PKIB: variants seen among roughly 807,000 people sequenced by gnomAD.
The protein encoded by PKIB is cAMP-dependent protein kinase inhibitor beta, also known as PKI-beta.
A neutral mutation model predicts 4.5 loss-of-function variants in PKIB; 2 were observed. The observed-to-expected ratio is 0.44, with a 90% CI of 0.18 to 1.39. PKIB has a LOEUF of 1.39. Among genes scored for constraint, PKIB ranks in the 40% most tolerant of loss-of-function variants. PKIB has a pLI of 0.27. For missense variants in PKIB, 94 were observed against 92.6 expected (o/e 1.02, Z -0.06); for synonymous variants, 38 against 36.0 (o/e 1.06, Z -0.20).
upstream of PKIB, among the ~76,000 whole-genome samples, chr6:122,609,626 T>C (rs773426855): frequency 6.6e-6 from 1 of 151,990 alleles, no homozygotes; most frequent in Non-Finnish European, 1.5e-5. Flanking sequence ...TAATTAAGAG[T>C]TTCAGGAGAC....
At position 122,572,435 on chromosome 6, in the gene PKIB, A is replaced by C. The variant is rs140520419; in HGVS notation, c.-247-13486A>C. On this transcript the variant is annotated intron_variant, in intron 2 of 6. Transcript: ENST00000392491. The stretch of plus-strand genomic sequence containing the variant: ...TGAAAATTATTGGAAATGAATGATA[A>C]AGTGACACAACTTATCAAAACCTCC... Among the ~76,000 whole-genome samples, 17 of 152,250 alleles carry C rather than the reference A, an allele frequency of 1.1e-4. 1 individual carries two copies. The East Asian group carries it at 2.1e-3, about 19-fold the overall frequency.
At chr6:122,607,105 TAAATAAAATA>T (rs959210617), upstream of PKIB, among the ~76,000 whole-genome samples, 1 of 149,294 alleles carries the variant, frequency 6.7e-6, no homozygotes, top group Non-Finnish European at 1.5e-5. Flanking sequence ...AATAAATAAA[TAAATAAAATA>T]AAATAAAATA....
intron 2 of PKIB, chr6:122,479,919 C>T (rs1245008279): frequency 6.6e-6 from 1 of 151,430 alleles, no homozygotes; most frequent in African/African-American, 2.4e-5. Flanking sequence ...AAAGGTCCAA[C>T]AGAGCTTAAA....
chr6:122,615,535 T>C (rs1774945587), intron 1 of PKIB, among the ~76,000 whole-genome samples: 1 of 151,526 alleles, frequency 6.6e-6, no homozygotes, highest in South Asian at 2.1e-4. Flanking sequence ...GGCGACTTCA[T>C]GGGTGTACTG....
intron 3 of PKIB, among the ~76,000 whole-genome samples, chr6:122,703,078 C>T (rs925045061): frequency 9.2e-5 from 14 of 152,106 alleles, no homozygotes; most frequent in Admixed American, 3.3e-4. Context: ...ACTTCTCTTA[C>T]GAAACAAGCT....
chr6:122,708,448 T>C (rs563049464), intron 3 of PKIB, among the ~76,000 whole-genome samples: 11 of 152,194 alleles, frequency 7.2e-5, no homozygotes, highest in African/African-American at 2.6e-4. Context: ...TATGTGAAAA[T>C]TTCACCTTTA....
intron 3 of PKIB, among the ~76,000 whole-genome samples, chr6:122,591,538 A>G (rs998256475): frequency 1.3e-5 from 2 of 152,064 alleles, no homozygotes; most frequent in Non-Finnish European, 2.9e-5. Context: ...CATTTAGCCA[A>G]TGAGATTATT....
intron 2 of PKIB, among the ~76,000 whole-genome samples, chr6:122,543,677 G>T (rs562532868): frequency 1.3e-5 from 2 of 152,074 alleles, no homozygotes; most frequent in South Asian, 2.1e-4. Context: ...ACTGCACCTG[G>T]CTAGAATAAC....
At chr6:122,551,043 A>G (rs143488427) in intron 2 of PKIB, among the ~76,000 whole-genome samples, 1,623 of 152,182 alleles carry the variant, frequency 0.011, 14 homozygotes, top group Middle Eastern at 0.034. Context: ...ATGGCATTCT[A>G]TCTTTTATCT....
intron 2 of PKIB, among the ~76,000 whole-genome samples, chr6:122,544,145 T>G (rs1385939147): frequency 6.6e-6 from 1 of 151,818 alleles, no homozygotes; most frequent in Non-Finnish European, 1.5e-5. Context: ...AGCAAACGCT[T>G]TAAAATACAA....
At chr6:122,474,562 G>A (rs115927700) in intron 1 of PKIB, among the ~76,000 whole-genome samples, 1 of 152,168 alleles carries the variant, frequency 6.6e-6, no homozygotes, top group Non-Finnish European at 1.5e-5. Flanking sequence ...AGAGCTGAAG[G>A]TTATGTTTGT....
At chr6:122,660,834 T>C (rs998120928) in intron 2 of PKIB, among the ~76,000 whole-genome samples, 3 of 152,184 alleles carry the variant, frequency 2.0e-5, no homozygotes, top group South Asian at 4.1e-4. Context: ...AACCCACTGA[T>C]TGATATATCT....
At chr6:122,530,812 C>T (rs1046357108) in intron 2 of PKIB, among the ~76,000 whole-genome samples, 9 of 152,126 alleles carry the variant, frequency 5.9e-5, no homozygotes, top group Non-Finnish European at 1.2e-4. Context: ...TGGCAAAAGC[C>T]CCAATATGGG....
At chr6:122,581,255 G>T in intron 2 of PKIB, among the ~76,000 whole-genome samples, 1 of 152,018 alleles carries the variant, frequency 6.6e-6, no homozygotes, top group East Asian at 1.9e-4. Flanking sequence ...CAATTTCTTG[G>T]TATTGCAATG....
chr6:122,532,498 G>C (rs1042659692), intron 2 of PKIB, among the ~76,000 whole-genome samples: 2 of 152,064 alleles, frequency 1.3e-5, no homozygotes, highest in Admixed American at 6.6e-5. Flanking sequence ...ATGAAATTCT[G>C]TACTCATTAA....
At chr6:122,701,459 C>T (rs778194383) in intron 3 of PKIB, 34 of 1,588,032 alleles carry the variant, frequency 2.1e-5, no homozygotes, top group Non-Finnish European at 2.7e-5. Flanking sequence ...TCAGAGATCA[C>T]CTGCCAAACA....
At chr6:122,574,020 A>G (rs946771772) in intron 2 of PKIB, among the ~76,000 whole-genome samples, 9 of 152,154 alleles carry the variant, frequency 5.9e-5, no homozygotes, top group African/African-American at 2.2e-4. Context: ...TACCTAGAAA[A>G]CCCCAAAGAC....
chr6:122,479,818 C>T (rs1288318430), intron 2 of PKIB: 1 of 152,136 alleles, frequency 6.6e-6, no homozygotes, highest in Non-Finnish European at 1.5e-5. Context: ...CACATTCTCT[C>T]AAAGCATATA....
intron 2 of PKIB, among the ~76,000 whole-genome samples, chr6:122,530,965 A>C (rs775194821): frequency 1.3e-5 from 2 of 152,082 alleles, no homozygotes; most frequent in Non-Finnish European, 2.9e-5. Context: ...TGATGTATCT[A>C]CTCAATTTGC....
Sources: gnomAD v4.1 joint callset for allele counts (sites outside exome capture counted in the v4.1 genomes callset) on GRCh38, gnomAD v4.1.1 for gene constraint, MANE v1.5 for transcripts, NCBI Gene and HGNC (gene_info 2026-07-23, HGNC 2026-07-21) for gene names.